ZSWIM6: variants seen among roughly 807,000 people sequenced by gnomAD.
ZSWIM6 encodes the protein zinc finger SWIM domain-containing protein 6.
In ZSWIM6, 9 loss-of-function variants were observed where a neutral mutation model predicts 113.2. The ratio of observed to expected loss-of-function variants is 0.08; its 90% CI spans 0.05 to 0.14. ZSWIM6 has a LOEUF of 0.14. ZSWIM6 is among the 10% of genes least tolerant of loss of function. The pLI is 1.00. For synonymous variants in ZSWIM6, 611 were observed against 606.5 expected, an observed-to-expected ratio of 1.01 and a Z score of -0.11; for missense variants, 1,162 against 1,552.2, an observed-to-expected ratio of 0.75 and a Z score of 4.22.
chr5:61,417,066 C>T (rs991980208), intron 1 of ZSWIM6, among the ~76,000 whole-genome samples: 24 of 152,154 alleles, frequency 1.6e-4, no homozygotes, highest in South Asian at 4.1e-4. Flanking sequence ...TGCTTGAACC[C>T]GGGAGGTGGA....
chr5:61,535,301 T>C (rs748425964), intron 9 of ZSWIM6, among the ~76,000 whole-genome samples, 183 bp from the exon 10 acceptor site: 9 of 152,226 alleles, frequency 5.9e-5, no homozygotes, highest in Non-Finnish European at 1.0e-4. Flanking sequence ...AGGTGAAATC[T>C]GTAACGGATG....
intron 1 of ZSWIM6, among the ~76,000 whole-genome samples, chr5:61,379,029 A>T (rs1395612911): frequency 6.6e-6 from 1 of 151,864 alleles, no homozygotes; most frequent in Non-Finnish European, 1.5e-5. Flanking sequence ...GAAGATAAAA[A>T]AATTAGCTGG....
intron 1 of ZSWIM6, among the ~76,000 whole-genome samples, chr5:61,366,512 T>C (rs572236013): frequency 6.6e-6 from 1 of 152,242 alleles, no homozygotes; most frequent in Non-Finnish European, 1.5e-5. Flanking sequence ...TCTTAGCTAA[T>C]TGGAAAGACC....
chr5:61,384,953 A>G (rs1241575235), intron 1 of ZSWIM6, among the ~76,000 whole-genome samples: 1 of 152,102 alleles, frequency 6.6e-6, no homozygotes, highest in East Asian at 1.9e-4. Flanking sequence ...CCAGCTACTC[A>G]GGAGGCTGAG....
At chr5:61,490,756 G>C in intron 2 of ZSWIM6, 30 bp from the exon 3 acceptor site, 5 of 1,541,084 alleles carry the variant, frequency 3.2e-6, no homozygotes, top group Non-Finnish European at 4.4e-6. Context: ...TATCTAGCCT[G>C]TGTGTTATTA....
chr5:61,374,500 T>C (rs1416386209), intron 1 of ZSWIM6, among the ~76,000 whole-genome samples: 2 of 152,216 alleles, frequency 1.3e-5, no homozygotes, highest in Non-Finnish European at 2.9e-5. Context: ...AGTTGAGCCA[T>C]GAATCACATC....
intron 3 of ZSWIM6, 105 bp from the exon 4 acceptor site, chr5:61,494,155 G>A: frequency 1.6e-6 from 2 of 1,246,286 alleles, no homozygotes; most frequent in Non-Finnish European, 2.2e-6. Context: ...CGGAGAGAGA[G>A]AGAGAGAAAC....
At chr5:61,509,405 A>G (rs1748716277) in intron 4 of ZSWIM6, among the ~76,000 whole-genome samples, 1 of 152,190 alleles carries the variant, frequency 6.6e-6, no homozygotes, top group African/African-American at 2.4e-5. Context: ...TGGCAAAGAT[A>G]CTGTGGGAGG....
intron 5 of ZSWIM6, among the ~76,000 whole-genome samples, chr5:61,524,163 A>C (rs1749216486): frequency 6.6e-6 from 1 of 152,250 alleles, no homozygotes; most frequent in East Asian, 1.9e-4. Context: ...ACATTTGATC[A>C]ATTGACTGTG....
intron 1 of ZSWIM6, among the ~76,000 whole-genome samples, chr5:61,386,673 G>A (rs1745597584): frequency 6.6e-6 from 1 of 152,190 alleles, no homozygotes; most frequent in East Asian, 1.9e-4. Context: ...GTGAACAAAT[G>A]TAAAGGCAGC....
At chr5:61,468,159 G>A (rs558312423) in intron 1 of ZSWIM6, among the ~76,000 whole-genome samples, 50 of 152,312 alleles carry the variant, frequency 3.3e-4, no homozygotes, top group African/African-American at 1.2e-3. Flanking sequence ...GATTCAGAGA[G>A]GTTAAATATT....
chr5:61,336,240 G>A (rs1055927582), intron 1 of ZSWIM6, among the ~76,000 whole-genome samples: 3 of 151,986 alleles, frequency 2.0e-5, no homozygotes, highest in African/African-American at 7.3e-5. Flanking sequence ...CTCCAGCCTG[G>A]GTGACGGAGT....
intron 4 of ZSWIM6, among the ~76,000 whole-genome samples, chr5:61,505,432 A>T (rs985286972): frequency 2.6e-5 from 4 of 152,074 alleles, no homozygotes; most frequent in Non-Finnish European, 5.9e-5. Flanking sequence ...CTCCTACAGA[A>T]CCTGGCTTCC....
At chr5:61,487,516 C>T (rs1297522229) in intron 2 of ZSWIM6, among the ~76,000 whole-genome samples, 1 of 152,014 alleles carries the variant, frequency 6.6e-6, no homozygotes, top group East Asian at 1.9e-4. Flanking sequence ...TCTTCTGATC[C>T]ATGAGTATGG....
chr5:61,416,171 TGG>T (rs1746248490), intron 1 of ZSWIM6, among the ~76,000 whole-genome samples: 1 of 152,180 alleles, frequency 6.6e-6, no homozygotes, highest in Non-Finnish European at 1.5e-5. Flanking sequence ...TCCAGATTCT[TGG>T]AAGGAATAGA....
intron 9 of ZSWIM6, among the ~76,000 whole-genome samples, chr5:61,533,001 A>T (rs558102367): frequency 1.3e-5 from 2 of 152,216 alleles, no homozygotes; most frequent in Admixed American, 6.5e-5. Flanking sequence ...TGTGATTTTC[A>T]AAGTTGATAG....
chr5:61,453,949 C>CTTCTTTGCA (rs1747143728), intron 1 of ZSWIM6, among the ~76,000 whole-genome samples: 1 of 152,024 alleles, frequency 6.6e-6, no homozygotes, highest in Non-Finnish European at 1.5e-5. Context: ...ATCAGTGAAT[C>CTTCTTTGCA]TTCTTTGCAG....
chr5:61,465,884 AT>A (rs1250757267), intron 1 of ZSWIM6, among the ~76,000 whole-genome samples: 4 of 152,200 alleles, frequency 2.6e-5, no homozygotes, highest in Non-Finnish European at 5.9e-5. Context: ...AAACCACTTC[AT>A]TAGTGATTGC....
chr5:61,425,222 C>G, intron 1 of ZSWIM6, among the ~76,000 whole-genome samples: 1 of 152,100 alleles, frequency 6.6e-6, no homozygotes, highest in East Asian at 1.9e-4. Context: ...TGATAGACCA[C>G]TGAATATTAG....
Sources: allele counts gnomAD v4.1 joint callset (sites outside exome capture counted in the v4.1 genomes callset), GRCh38; gene constraint gnomAD v4.1.1; transcripts MANE v1.5; gene names NCBI Gene and HGNC (gene_info 2026-07-23, HGNC 2026-07-21).